The following RCBTB1 variants were observed in gnomAD, a reference collection of about 807,000 sequenced individuals.
RCBTB1 encodes the protein RCC1 and BTB domain-containing protein 1.
In RCBTB1, 46 loss-of-function variants were observed where a neutral mutation model predicts 62.4. The ratio of observed to expected loss-of-function variants is 0.74; its 90% CI spans 0.58 to 0.94. RCBTB1 has a LOEUF of 0.94. RCBTB1 is among the 40% of genes least tolerant of loss of function. RCBTB1 has a pLI of 0.00. For synonymous variants in RCBTB1, 222 were observed against 245.8 expected, an observed-to-expected ratio of 0.90 and a Z score of 0.91; for missense variants, 565 against 654.9, an observed-to-expected ratio of 0.86 and a Z score of 1.50.
At chr13:49,565,614 C>T (rs1962906536) in intron 4 of RCBTB1, among the ~76,000 whole-genome samples, 1 of 141,728 alleles carries the variant, frequency 7.1e-6, no homozygotes, top group African/African-American at 2.9e-5. Flanking sequence ...GTGAGGAGCG[C>T]CTCTGCCCAG....
chr13:49,573,638 C>T (rs1366960312), intron 2 of RCBTB1, among the ~76,000 whole-genome samples: 2 of 151,590 alleles, frequency 1.3e-5, no homozygotes, highest in African/African-American at 2.4e-5. Context: ...TTAGTAGAGA[C>T]GGGGTTTCAC....
Position 49,560,029 on chromosome 13 carries a change from C to T in RCBTB1, c.333G>A (p.Thr111=), listed in dbSNP as rs777610386. The T allele has an allele frequency of 3.0e-5, 48 of 1,614,034 alleles. No individual in the cohort carries two copies. Among genetic ancestry groups the T allele is most frequent in the South Asian group, 1.4e-4 (13 of 91,072 alleles). ...GGACGGGAGCAATGCCTTGGTTGGTCGTCCCATTCCCAAGCTGGCTATATC... is the reference window on the plus strand; with the variant it reads ...GGACGGGAGCAATGCCTTGGTTGGTTGTCCCATTCCCAAGCTGGCTATATC... The part of the protein sequence containing the change: ...HNGYSQLGNG[T]TNQGIAPVQV... The change falls in exon 5 of 13, where the codon ACG becomes ACA. Residue 111 remains threonine (T), a synonymous_variant. Transcript: ENST00000378302.
At chr13:49,552,365 A>C (rs1405319221) in intron 6 of RCBTB1, 80 bp from the exon 7 acceptor site, 1 of 799,756 alleles carries the variant, frequency 1.3e-6, no homozygotes, top group African/African-American at 1.7e-5. Flanking sequence ...AGCCCATCTA[A>C]ACAAATCAGA....
intron 4 of RCBTB1, among the ~76,000 whole-genome samples, chr13:49,564,987 T>C (rs189839775): frequency 3.3e-4 from 49 of 149,892 alleles, no homozygotes; most frequent in African/African-American, 1.2e-3. Flanking sequence ...GGAATAGGAT[T>C]GCAGCTGTCC....
chr13:49,554,413 T>C (rs1260275669), intron 6 of RCBTB1, among the ~76,000 whole-genome samples: 1 of 152,188 alleles, frequency 6.6e-6, no homozygotes, highest in East Asian at 1.9e-4. Flanking sequence ...TCCCAAGGAA[T>C]TCTGAAGTCA....
intron 10 of RCBTB1, 105 bp from the exon 11 acceptor site, chr13:49,541,932 TG>T: frequency 3.0e-6 from 4 of 1,326,998 alleles, no homozygotes; most frequent in Non-Finnish European, 4.0e-6. Flanking sequence ...GAAGTATCCT[TG>T]GGCCGGGCGT....
intron 10 of RCBTB1, among the ~76,000 whole-genome samples, chr13:49,542,189 GGCAAC>G (rs1192433512): frequency 6.9e-6 from 1 of 145,654 alleles, no homozygotes; most frequent in Non-Finnish European, 1.5e-5. Context: ...ACTCTAGCCT[GGCAAC>G]AAGAGCAAAA....
rs1038046234 is a variant in RCBTB1 at position 49,585,480 on chromosome 13, C to T, written c.-158G>A. On this transcript the variant is annotated 5_prime_UTR_variant, in exon 1 of 13. Transcript: ENST00000378302. ...GCTGCTGCCGCGCCGTCCCGCGGGACCGCAGGGATCTCCGAAGCTCCAATG... is the reference window on the plus strand; with the variant it reads ...GCTGCTGCCGCGCCGTCCCGCGGGATCGCAGGGATCTCCGAAGCTCCAATG... 5 of 152,228 alleles carry T rather than the reference C, an allele frequency of 3.3e-5. No homozygotes were observed. The highest frequency in any genetic ancestry group is 3.3e-4 in the Admixed American group (5 of 15,282). The allele number at this position is 152,228 out of a possible 1,614,324, so 9.4% of individuals were successfully genotyped here.
At chr13:49,578,380 A>C (rs1389567318) in intron 2 of RCBTB1, among the ~76,000 whole-genome samples, 1 of 152,238 alleles carries the variant, frequency 6.6e-6, no homozygotes, top group East Asian at 1.9e-4. Flanking sequence ...TTGAATCCAC[A>C]GATGTGGAAT....
At position 49,534,152 on chromosome 13, in the gene RCBTB1, T is replaced by A; in HGVS notation, c.1566A>T (p.Lys522Asn). 1 of 1,614,164 alleles carries A rather than the reference T, an allele frequency of 6.2e-7. No individual in the cohort carries two copies. The highest frequency in any genetic ancestry group is 8.5e-7 in the Non-Finnish European group (1 of 1,180,012). ...DGPLLKEFIA[K>N]ASKCGAFKN ...TCTTAAAGGCTCCACATTTACTGGC[T>A]TTAGCAATGAATTCCTTTAGCAGAG... The change falls in exon 13 of 13, where the codon AAA (lysine) becomes AAT (asparagine). Residue 522 changes from lysine to asparagine, a missense_variant. Coordinates refer to ENST00000378302, the MANE Select transcript of RCBTB1 (RefSeq NM_018191.4).
intron 3 of RCBTB1, 98 bp from the exon 4 acceptor site, chr13:49,566,866 C>T: frequency 1.7e-6 from 2 of 1,178,722 alleles, no homozygotes; most frequent in Non-Finnish European, 2.4e-6. Flanking sequence ...AACTACAGAG[C>T]TCAGGAGGTG....
chr13:49,544,264 G>A (rs1400789421), intron 10 of RCBTB1, among the ~76,000 whole-genome samples: 2 of 152,154 alleles, frequency 1.3e-5, no homozygotes, highest in African/African-American at 4.8e-5. Flanking sequence ...GAGATCGGGA[G>A]TTCGAGACCA....
rs1242126963 is a variant in RCBTB1, at chr13:49,532,397, G to C, written c.*1725C>G. 2 of 129,752 alleles carry C rather than the reference G, an allele frequency of 1.5e-5. No homozygotes were observed. Among genetic ancestry groups the C allele is most frequent in the Non-Finnish European group, 3.5e-5 (2 of 56,946 alleles). 8.0% of individuals were successfully genotyped at this position (129,752 alleles called of 1,614,324 possible). A position where few individuals can be genotyped will look rare whatever the true frequency, so the allele number is the denominator to read the frequency against. On this transcript the variant is annotated 3_prime_UTR_variant, in exon 13 of 13. Coordinates refer to ENST00000378302, the MANE Select transcript of RCBTB1 (RefSeq NM_018191.4). The stretch of plus-strand genomic sequence containing the variant: ...TTTGAAAAAAAGTTTTCAAGTAAGA[G>C]CAATAGTAAACATACTGAAGTTCAC...
rs1030387959 is a variant in RCBTB1 at position 49,533,590 on chromosome 13, C to T, written c.*532G>A. On this transcript the variant is annotated 3_prime_UTR_variant, in exon 13 of 13. Transcript: ENST00000378302. ...GTTAAAAAAGTCATCAACGCAAGCA[C>T]ACAAACAAAAGTCTGAAACAATCTT... is the stretch of plus-strand genomic sequence containing the variant. 6.6e-6 allele frequency: 1 copy of T among 152,216 alleles called. No homozygotes were observed. The highest frequency in any genetic ancestry group is 2.4e-5 in the African/African-American group (1 of 41,450). 9.4% of individuals were successfully genotyped at this position (152,216 alleles called of 1,614,324 possible).
intron 2 of RCBTB1, among the ~76,000 whole-genome samples, chr13:49,572,750 G>A (rs1350703483): frequency 6.6e-6 from 1 of 152,214 alleles, no homozygotes; most frequent in African/African-American, 2.4e-5. Flanking sequence ...GTTGCAGTGA[G>A]CCAAGACTAT....
chr13:49,581,228 T>C (rs1594363200), intron 1 of RCBTB1, among the ~76,000 whole-genome samples: 1 of 150,822 alleles, frequency 6.6e-6, no homozygotes, highest in African/African-American at 2.4e-5. Flanking sequence ...GAAGTCCAGA[T>C]GGCTATGGTA....
chr13:49,568,523 T>C (rs1436350482), intron 2 of RCBTB1, among the ~76,000 whole-genome samples: 2 of 152,210 alleles, frequency 1.3e-5, no homozygotes, highest in South Asian at 2.1e-4. Flanking sequence ...ACCATGGATG[T>C]AGGATGGCAC....
intron 9 of RCBTB1, 44 bp from the exon 10 acceptor site, chr13:49,544,907 A>G (rs1960679093): frequency 6.5e-7 from 1 of 1,542,956 alleles, no homozygotes; most frequent in African/African-American, 1.4e-5. Context: ...TTCAAGGAAC[A>G]GATTGAAGAT....
intron 4 of RCBTB1, among the ~76,000 whole-genome samples, chr13:49,565,811 G>A (rs371693104): frequency 4.0e-4 from 51 of 126,086 alleles, no homozygotes; most frequent in Non-Finnish European, 6.3e-4. Context: ...TGGCGGTTTC[G>A]TCGAATAGAA....
Sources: gnomAD v4.1 joint callset for allele counts (sites outside exome capture counted in the v4.1 genomes callset) on GRCh38, gnomAD v4.1.1 for gene constraint, MANE v1.5 for transcripts, NCBI Gene and HGNC (gene_info 2026-07-23, HGNC 2026-07-21) for gene names.